The following PLEKHH2 variants were observed in gnomAD, a reference collection of about 807,000 sequenced individuals.
The protein encoded by PLEKHH2 is pleckstrin homology, MyTH4 and FERM domain containing H2, also known as pleckstrin homology domain-containing family H member 2.
PLEKHH2 carries 129 observed loss-of-function variants against 187.9 expected under a neutral mutation model. That is an observed-to-expected ratio of 0.69 (90% confidence interval 0.59 to 0.79). The LOEUF (loss-of-function observed/expected upper bound fraction) is 0.79, where lower values mean the gene tolerates loss of function less well. Ranked by LOEUF, PLEKHH2 falls within the 30% of genes least tolerant of loss-of-function variation. The pLI is 0.00. For missense variants in PLEKHH2, 2,076 were observed against 1,751.2 expected (o/e 1.19, Z -3.31); for synonymous variants, 686 against 605.6 (o/e 1.13, Z -1.95).
At chr2:43,702,765 A>G (rs1669445008) in intron 8 of PLEKHH2, among the ~76,000 whole-genome samples, 1 of 152,128 alleles carries the variant, frequency 6.6e-6, no homozygotes, top group South Asian at 2.1e-4. Context: ...GGCATAGCCT[A>G]TCCTTATTGA....
intron 2 of PLEKHH2, among the ~76,000 whole-genome samples, chr2:43,657,548 G>A (rs1322530579): frequency 3.9e-5 from 6 of 152,162 alleles, no homozygotes; most frequent in Admixed American, 6.5e-5. Flanking sequence ...CCCATCACAG[G>A]GTGGCCCAGT....
rs1461557829 is a variant in PLEKHH2, at chr2:43,766,455, A to G, written c.*857A>G. ...ATTATAGTTTGAAAATAGATTCCCT[A>G]CACATACATACATATGTATGCACAG... On this transcript the variant is annotated 3_prime_UTR_variant, in exon 30 of 30. Transcript: ENST00000282406. 1 of 152,624 alleles carries G rather than the reference A, an allele frequency of 6.6e-6. No homozygotes were observed. The highest frequency in any genetic ancestry group is 1.9e-4 in the East Asian group (1 of 5,342). The allele number at this position is 152,624 out of a possible 1,614,324, so 9.5% of individuals were successfully genotyped here.
At chr2:43,687,186 A>G (rs866302628) in intron 3 of PLEKHH2, among the ~76,000 whole-genome samples, 2 of 151,938 alleles carry the variant, frequency 1.3e-5, no homozygotes, top group Non-Finnish European at 2.9e-5. Context: ...TGTTGTCCCT[A>G]TCTTTATGCC....
chr2:43,716,591 T>G (rs1670221248), intron 15 of PLEKHH2, among the ~76,000 whole-genome samples: 1 of 152,210 alleles, frequency 6.6e-6, no homozygotes, highest in Non-Finnish European at 1.5e-5. Flanking sequence ...AGCAGAGAAT[T>G]TACATTGTAG....
intron 19 of PLEKHH2, 25 bp from the exon 20 acceptor site, chr2:43,738,316 A>G (rs373804389): frequency 1.2e-4 from 191 of 1,576,748 alleles, no homozygotes; most frequent in Non-Finnish European, 1.6e-4. Context: ...CTCACCTTGA[A>G]TATATCTTTT....
Position 43,739,134 on chromosome 2 carries a change from G to A in PLEKHH2, c.3123+614G>A, listed in dbSNP as rs769844461. On this transcript the variant is annotated intron_variant, in intron 20 of 29. Coordinates refer to ENST00000282406, the MANE Select transcript of PLEKHH2 (RefSeq NM_172069.4). The stretch of plus-strand genomic sequence containing the variant: ...TCGAACTCCTGATCTCAGGTGATCC[G>A]CCCGCTCTGGCCTCCCAAAGTACTG... Among the ~76,000 whole-genome samples, 20 of 152,120 alleles carry A rather than the reference G, an allele frequency of 1.3e-4. No homozygotes were observed. In the East Asian group the frequency reaches 1.7e-3, roughly 13 times the overall value.
chr2:43,641,518 A>G (rs1330300506), intron 1 of PLEKHH2, among the ~76,000 whole-genome samples: 6 of 151,632 alleles, frequency 4.0e-5, no homozygotes, highest in Non-Finnish European at 7.4e-5. Context: ...TTTTTAGCTC[A>G]TCAGCTACCT....
intron 3 of PLEKHH2, among the ~76,000 whole-genome samples, chr2:43,690,021 T>G (rs1255846370): frequency 6.6e-6 from 1 of 152,228 alleles, no homozygotes; most frequent in Non-Finnish European, 1.5e-5. Flanking sequence ...ACTCAGTTAC[T>G]TTTGTTTTTC....
In PLEKHH2 at chr2:43,699,937, A is replaced by G. The variant is rs758178725; in HGVS notation, c.979A>G (p.Thr327Ala). ...CSRMGSEMYL[T>A]ASDDSSSIFE... ...CAGGATGGGAAGTGAAATGTATCTG[A>G]CAGCATCTGATGACAGCAGCTCTAT... The change falls in exon 8 of 30, where the codon ACA becomes GCA. Residue 327 changes from threonine (T) to alanine (A), a missense_variant. Thr to Ala is a moderately conservative substitution (Grantham distance 58). Coordinates refer to ENST00000282406, the MANE Select transcript of PLEKHH2 (RefSeq NM_172069.4). 18 of 1,614,030 alleles carry G rather than the reference A, an allele frequency of 1.1e-5. No homozygotes were observed. The highest frequency in any genetic ancestry group is 1.5e-5 in the Non-Finnish European group (18 of 1,180,006).
At chr2:43,675,866 T>C (rs752113294) in intron 2 of PLEKHH2, 2 of 1,614,102 alleles carry the variant, frequency 1.2e-6, no homozygotes, top group Non-Finnish European at 1.7e-6. Flanking sequence ...AAAAGGTACT[T>C]TAAATTTTCA....
intron 3 of PLEKHH2, among the ~76,000 whole-genome samples, chr2:43,688,134 C>T (rs561705684): frequency 3.9e-5 from 6 of 152,254 alleles, no homozygotes; most frequent in Admixed American, 1.3e-4. Flanking sequence ...TGTTCATGTC[C>T]TTTGCCCATA....
intron 12 of PLEKHH2, 40 bp downstream of exon 12, chr2:43,710,166 A>T (rs1160693969): frequency 6.2e-7 from 1 of 1,611,520 alleles, no homozygotes; most frequent in Non-Finnish European, 8.5e-7. Context: ...AGTCAGTCAG[A>T]TTGAGCCTCC....
At chr2:43,683,490 A>T (rs369848412) in intron 3 of PLEKHH2, among the ~76,000 whole-genome samples, 3 of 152,112 alleles carry the variant, frequency 2.0e-5, no homozygotes, top group Non-Finnish European at 2.9e-5. Flanking sequence ...GATCTAAACT[A>T]GATTGATACA....
At chr2:43,739,995 T>C (rs1181576356) in intron 20 of PLEKHH2, among the ~76,000 whole-genome samples, 1 of 152,232 alleles carries the variant, frequency 6.6e-6, no homozygotes, top group East Asian at 1.9e-4. Flanking sequence ...TTTAAATATA[T>C]AACTGTCTCC....
intron 3 of PLEKHH2, among the ~76,000 whole-genome samples, chr2:43,688,911 C>G (rs1035044218): frequency 6.6e-6 from 1 of 152,142 alleles, no homozygotes; most frequent in African/African-American, 2.4e-5. Flanking sequence ...AGAGGTCAGT[C>G]ATGTAGGTCT....
intron 20 of PLEKHH2, 200 bp from the exon 21 acceptor site, chr2:43,740,746 C>G (rs1671525747): frequency 2.1e-6 from 2 of 966,342 alleles, no homozygotes; most frequent in Non-Finnish European, 2.7e-6. Context: ...ATACACACAA[C>G]TAGATGGATC....
chr2:43,697,047 A>T, intron 6 of PLEKHH2, 124 bp from the exon 7 acceptor site: 2 of 685,858 alleles, frequency 2.9e-6, no homozygotes, highest in South Asian at 5.9e-5. Flanking sequence ...ATCAATAAAG[A>T]TGAACTTTAG....
At position 43,700,370 on chromosome 2, in the gene PLEKHH2, C is replaced by G. The variant is rs1669299228; in HGVS notation, c.1412C>G (p.Thr471Arg). ...PQLSSDRMFG[T>R]NRNAISMIRP... Reference sequence around the variant, plus strand: ...TTAAGCTCTGACAGGATGTTTGGTACAAATAGAAACGCTATAAGCATGATA... The same window carrying G: ...TTAAGCTCTGACAGGATGTTTGGTAGAAATAGAAACGCTATAAGCATGATA... The change falls in exon 8 of 30, where the codon ACA (threonine) becomes AGA (arginine). Residue 471 changes from threonine (T) to arginine (R), a missense_variant. Thr to Arg is a moderately conservative substitution (Grantham distance 71). Coordinates refer to ENST00000282406, the MANE Select transcript of PLEKHH2 (RefSeq NM_172069.4). The G allele has an allele frequency of 6.2e-7, 1 of 1,614,012 alleles. No individual in the cohort carries two copies. Among genetic ancestry groups the G allele is most frequent in the African/African-American group, 1.3e-5 (1 of 74,988 alleles).
In PLEKHH2 at chr2:43,757,230, A is replaced by G; in HGVS notation, c.3907A>G (p.Arg1303Gly). 1 of 1,594,594 alleles carries G rather than the reference A, an allele frequency of 6.3e-7. No homozygotes were observed. Among genetic ancestry groups the G allele is most frequent in the South Asian group, 1.1e-5 (1 of 87,032 alleles). Residue 1303 changes from arginine to glycine, a missense_variant, in exon 26 of 30, where the codon AGG (arginine) becomes GGG (glycine). Transcript: ENST00000282406. The stretch of plus-strand genomic sequence containing the variant: ...AGTCATAGAGAAATTTTATCCTAAA[A>G]GGTATAGAGATGGCTGTTCTGAAGA... ...KQVIEKFYPKRYRDGCSEEQL... is the reference protein window; with the variant it reads ...KQVIEKFYPKGYRDGCSEEQL...
Sources: gnomAD v4.1 joint callset for allele counts (sites outside exome capture counted in the v4.1 genomes callset) on GRCh38, gnomAD v4.1.1 for gene constraint, MANE v1.5 for transcripts, NCBI Gene and HGNC (gene_info 2026-07-23, HGNC 2026-07-21) for gene names.